DIP2B: variants seen among roughly 807,000 people sequenced by gnomAD.
DIP2B encodes DIP2 acetate--CoA ligase B (putative), also known as disco-interacting protein 2 homolog B.
Under a neutral mutation model 198.0 loss-of-function variants are expected in DIP2B, and 76 were observed. The observed-to-expected ratio is 0.38, with a 90% CI of 0.32 to 0.46. The LOEUF (loss-of-function observed/expected upper bound fraction) is 0.46, where lower values mean the gene tolerates loss of function less well. Among genes scored for constraint, DIP2B ranks in the 20% least tolerant of loss-of-function variants. The pLI is 0.99. For synonymous variants in DIP2B, 701 were observed against 739.1 expected (o/e 0.95, Z 0.84); for missense variants, 1,559 against 1,978.4 (o/e 0.79, Z 4.02).
chr12:50,579,548 G>A (rs1411420430), intron 1 of DIP2B, among the ~76,000 whole-genome samples: 1 of 140,624 alleles, frequency 7.1e-6, no homozygotes, highest in Non-Finnish European at 1.5e-5. Context: ...GGAGGTGGAG[G>A]TTGCAGTGAG....
At position 50,526,364 on chromosome 12, in the gene DIP2B, A is replaced by G. The variant is rs142097166; in HGVS notation, c.100+21124A>G. Among the ~76,000 whole-genome samples the G allele has an allele frequency of 1.6e-3, 245 of 152,232 alleles. 2 individuals are homozygous for G. The highest frequency in any genetic ancestry group is 5.3e-3 in the African/African-American group (222 of 41,540). On this transcript the variant is annotated intron_variant, in intron 1 of 37. Coordinates refer to ENST00000301180, the MANE Select transcript of DIP2B (RefSeq NM_173602.3). ...TTGTTTTTCCCTTATTTTCCTCACT[A>G]TATACCCTCTGATTTTTACACTTGA...
intron 10 of DIP2B, among the ~76,000 whole-genome samples, chr12:50,685,010 T>C (rs953514005): frequency 5.9e-5 from 9 of 152,124 alleles, no homozygotes; most frequent in Non-Finnish European, 8.8e-5. Flanking sequence ...AAGAATAGCC[T>C]GAACCCAGGA....
At chr12:50,523,929 A>G (rs902082251) in intron 1 of DIP2B, among the ~76,000 whole-genome samples, 18 of 152,206 alleles carry the variant, frequency 1.2e-4, no homozygotes, top group Non-Finnish European at 2.9e-5. Context: ...GGAGCTAGAA[A>G]GAAAAGCCTC....
At chr12:50,515,465 G>A (rs961967481) in intron 1 of DIP2B, among the ~76,000 whole-genome samples, 3 of 151,860 alleles carry the variant, frequency 2.0e-5, no homozygotes, top group Non-Finnish European at 2.9e-5. Context: ...TCCTGACCTC[G>A]TGATCCGCCT....
At chr12:50,646,035 C>T (rs4768858) in intron 3 of DIP2B, among the ~76,000 whole-genome samples, 37,965 of 151,764 alleles carry the variant, frequency 0.25, 5,538 homozygotes, top group East Asian at 0.43. Context: ...TTCAATCTTT[C>T]ATTATAGTAA....
At chr12:50,610,982 G>T (rs552283980) in intron 1 of DIP2B, among the ~76,000 whole-genome samples, 2 of 151,970 alleles carry the variant, frequency 1.3e-5, no homozygotes, top group Admixed American at 1.3e-4. Flanking sequence ...TGTATTTTTA[G>T]TAGAGATGGG....
intron 1 of DIP2B, among the ~76,000 whole-genome samples, chr12:50,531,711 T>C (rs1168545262): frequency 6.6e-6 from 1 of 152,126 alleles, no homozygotes; most frequent in African/African-American, 2.4e-5. Context: ...ACCCTGCTGT[T>C]TCAAGCCTGG....
chr12:50,617,445 G>A (rs1179676495), intron 1 of DIP2B, among the ~76,000 whole-genome samples: 6 of 151,552 alleles, frequency 4.0e-5, no homozygotes, highest in Admixed American at 1.3e-4. Flanking sequence ...GTGAGCCACC[G>A]CACCCGGCCT....
intron 3 of DIP2B, among the ~76,000 whole-genome samples, chr12:50,651,231 G>A (rs1012851802): frequency 2.0e-5 from 3 of 152,002 alleles, no homozygotes; most frequent in Admixed American, 2.0e-4. Context: ...GGATATTAAC[G>A]CCCTACCCAA....
In DIP2B at chr12:50,745,816, CTA is replaced by C. The variant is rs1940333451; in HGVS notation, c.*979_*980del. Reference sequence around the variant, plus strand: ...AAACGATCTTTCAGATTTAGAGTGACTATGTAAGAATTTAGGATTTCCTCTTT... The same window carrying C: ...AAACGATCTTTCAGATTTAGAGTGACTGTAAGAATTTAGGATTTCCTCTTT... On this transcript the variant is annotated 3_prime_UTR_variant, in exon 38 of 38. Transcript: ENST00000301180. 1 of 152,302 alleles carries C rather than the reference CTA, an allele frequency of 6.6e-6. No individual in the cohort carries two copies. Among genetic ancestry groups the C allele is most frequent in the African/African-American group, 2.4e-5 (1 of 41,454 alleles). 9.4% of individuals were successfully genotyped at this position (152,302 alleles called of 1,614,324 possible). A position where few individuals can be genotyped will look rare whatever the true frequency, so the allele number is the denominator to read the frequency against.
chr12:50,710,839 T>C (rs1349135686), intron 22 of DIP2B, among the ~76,000 whole-genome samples: 1 of 152,176 alleles, frequency 6.6e-6, no homozygotes, highest in Non-Finnish European at 1.5e-5. Context: ...ATATTGAAGA[T>C]AGACTAGTCA....
At chr12:50,611,360 C>T (rs905289185) in intron 1 of DIP2B, among the ~76,000 whole-genome samples, 2 of 152,124 alleles carry the variant, frequency 1.3e-5, no homozygotes, top group Admixed American at 6.5e-5. Flanking sequence ...TTTATAGCTG[C>T]GAGATCATTT....
intron 9 of DIP2B, among the ~76,000 whole-genome samples, chr12:50,682,800 A>G (rs1366976372): frequency 6.6e-6 from 1 of 152,182 alleles, no homozygotes; most frequent in Non-Finnish European, 1.5e-5. Context: ...TTAGCCCTAC[A>G]CTAAAGTAAA....
intron 29 of DIP2B, 56 bp from the exon 30 acceptor site, chr12:50,728,492 G>A (rs535424558): frequency 4.8e-5 from 76 of 1,574,624 alleles, no homozygotes; most frequent in Non-Finnish European, 6.1e-5. Flanking sequence ...CGTCAGAGCT[G>A]TTACTCTGCC....
chr12:50,531,629 G>A (rs1958218005), intron 1 of DIP2B, among the ~76,000 whole-genome samples: 1 of 152,180 alleles, frequency 6.6e-6, no homozygotes. Flanking sequence ...GCAAGGAAGG[G>A]GCACTGCAGC....
chr12:50,641,280 C>T (rs951682807), intron 3 of DIP2B, among the ~76,000 whole-genome samples: 1 of 152,148 alleles, frequency 6.6e-6, no homozygotes, highest in Non-Finnish European at 1.5e-5. Context: ...TCACTTGAAC[C>T]TGGGAGGTGG....
chr12:50,571,925 A>G (rs557787895), intron 1 of DIP2B, among the ~76,000 whole-genome samples: 72 of 152,316 alleles, frequency 4.7e-4, no homozygotes, highest in Non-Finnish European at 7.9e-4. Context: ...TTTATTTAAA[A>G]GATGCATCTG....
intron 1 of DIP2B, among the ~76,000 whole-genome samples, chr12:50,619,257 C>T (rs1262899198): frequency 6.6e-6 from 1 of 152,172 alleles, no homozygotes; most frequent in Non-Finnish European, 1.5e-5. Flanking sequence ...CCTAATTGCT[C>T]AAGGTACTGC....
At chr12:50,698,088 G>T (rs541062145) in intron 17 of DIP2B, among the ~76,000 whole-genome samples, 1 of 149,468 alleles carries the variant, frequency 6.7e-6, no homozygotes, top group East Asian at 2.1e-4. Flanking sequence ...AGAGATGGGG[G>T]TCCCACTGTG....
Sources: gnomAD v4.1 joint callset for allele counts (sites outside exome capture counted in the v4.1 genomes callset) on GRCh38, gnomAD v4.1.1 for gene constraint, MANE v1.5 for transcripts, NCBI Gene and HGNC (gene_info 2026-07-23, HGNC 2026-07-21) for gene names.